Variants in PGCKA1 observed in about 807,000 individuals in gnomAD.
PGCKA1 encodes PDCD10 and GCKIII kinases-associated protein 1.
the PGCKA1 span, among the ~76,000 whole-genome samples, chr4:37,503,702 A>C: frequency 6.6e-6 from 1 of 152,186 alleles, no homozygotes; most frequent in East Asian, 1.9e-4. Context: ...CTGATGATCA[A>C]TGATGTTGAG....
the PGCKA1 span, among the ~76,000 whole-genome samples, chr4:37,554,814 A>G: frequency 8.9e-4 from 135 of 152,342 alleles, 1 homozygote; most frequent in African/African-American, 3.1e-3. Context: ...AAAGGTATAG[A>G]AGCATTGGCA....
chr4:37,543,841 A>G, the PGCKA1 span, among the ~76,000 whole-genome samples: 1 of 151,702 alleles, frequency 6.6e-6, no homozygotes, highest in Non-Finnish European at 1.5e-5. Flanking sequence ...CTCAAAAAAA[A>G]AAAAGAAGGC....
At chr4:37,574,872 T>C in the PGCKA1 span, among the ~76,000 whole-genome samples, 1 of 152,224 alleles carries the variant, frequency 6.6e-6, no homozygotes, top group African/African-American at 2.4e-5. Context: ...AATTTGTCTT[T>C]CTGTGCCTGG....
At chr4:37,486,059 C>G in the PGCKA1 span, among the ~76,000 whole-genome samples, 1 of 152,174 alleles carries the variant, frequency 6.6e-6, no homozygotes, top group Non-Finnish European at 1.5e-5. Flanking sequence ...TCAAGGTAGA[C>G]TTATTGCCTT....
At chr4:37,559,801 C>T in the PGCKA1 span, among the ~76,000 whole-genome samples, 2 of 152,036 alleles carry the variant, frequency 1.3e-5, no homozygotes, top group South Asian at 2.1e-4. Flanking sequence ...CATCTTTGTC[C>T]GAACTTGCAT....
At chr4:37,459,907 A>G in the PGCKA1 span, among the ~76,000 whole-genome samples, 69 of 150,650 alleles carry the variant, frequency 4.6e-4, 1 homozygote, top group East Asian at 0.013. Flanking sequence ...AACATGTGCC[A>G]TGGTGGTTTG....
chr4:37,575,928 T>C, the PGCKA1 span, among the ~76,000 whole-genome samples: 1 of 152,138 alleles, frequency 6.6e-6, no homozygotes, highest in Non-Finnish European at 1.5e-5. Flanking sequence ...GATTTGTTTC[T>C]GACTTCTGTC....
At chr4:37,457,542 C>T in the PGCKA1 span, among the ~76,000 whole-genome samples, 15 of 152,306 alleles carry the variant, frequency 9.8e-5, no homozygotes, top group African/African-American at 3.6e-4. Flanking sequence ...GATGTCTACA[C>T]ACAGGAGTTT....
At chr4:37,514,253 A>G in the PGCKA1 span, among the ~76,000 whole-genome samples, 33 of 152,276 alleles carry the variant, frequency 2.2e-4, no homozygotes, top group East Asian at 6.2e-3. Flanking sequence ...AATCCTACCC[A>G]TACGATGGAG....
At chr4:37,472,578 C>T in the PGCKA1 span, among the ~76,000 whole-genome samples, 2 of 152,264 alleles carry the variant, frequency 1.3e-5, no homozygotes, top group East Asian at 3.9e-4. Context: ...CCAGTTCACT[C>T]AACATATTGC....
the PGCKA1 span, among the ~76,000 whole-genome samples, chr4:37,477,979 C>A: frequency 6.6e-6 from 1 of 152,038 alleles, no homozygotes; most frequent in Non-Finnish European, 1.5e-5. Context: ...TTTAGAGAAC[C>A]GAGTTCTTAC....
the PGCKA1 span, among the ~76,000 whole-genome samples, chr4:37,505,739 C>A: frequency 6.6e-6 from 1 of 152,294 alleles, no homozygotes; most frequent in Non-Finnish European, 1.5e-5. Flanking sequence ...CAGTTATCTC[C>A]CACTGGGTCC....
the PGCKA1 span, among the ~76,000 whole-genome samples, chr4:37,516,577 G>C: frequency 2.6e-5 from 4 of 152,100 alleles, no homozygotes; most frequent in Non-Finnish European, 5.9e-5. Context: ...ATAAGTTCCA[G>C]AGGTACAAGC....
chr4:37,501,391 C>T, the PGCKA1 span, among the ~76,000 whole-genome samples: 3 of 151,984 alleles, frequency 2.0e-5, no homozygotes, highest in South Asian at 2.1e-4. Context: ...ACTACACATG[C>T]GAGGGATCTA....
chr4:37,558,099 G>A, the PGCKA1 span: 1 of 152,170 alleles, frequency 6.6e-6, no homozygotes, highest in African/African-American at 2.4e-5. Context: ...ATCTTTCCAT[G>A]CTTTGGTGAG....
At chr4:37,587,576 A>G in the PGCKA1 span, among the ~76,000 whole-genome samples, 2 of 152,342 alleles carry the variant, frequency 1.3e-5, no homozygotes, top group Non-Finnish European at 1.5e-5. Context: ...AACATGGGAG[A>G]CAGAGACACA....
At chr4:37,469,245 A>G in the PGCKA1 span, among the ~76,000 whole-genome samples, 2 of 152,198 alleles carry the variant, frequency 1.3e-5, no homozygotes, top group Admixed American at 6.5e-5. Context: ...CTTTCTTGGA[A>G]CATATTCCCA....
chr4:37,589,315 A>C, the PGCKA1 span, among the ~76,000 whole-genome samples: 1 of 152,242 alleles, frequency 6.6e-6, no homozygotes, highest in Admixed American at 6.5e-5. Flanking sequence ...CTTAACAAAT[A>C]TACTGTCTTT....
At chr4:37,561,349 G>A in the PGCKA1 span, among the ~76,000 whole-genome samples, 1 of 152,186 alleles carries the variant, frequency 6.6e-6, no homozygotes, top group Non-Finnish European at 1.5e-5. Context: ...AGGCAGGAAA[G>A]ACGTCAAAAA....
Sources: gnomAD v4.1 joint callset for allele counts (sites outside exome capture counted in the v4.1 genomes callset) on GRCh38, gnomAD v4.1.1 for gene constraint, MANE v1.5 for transcripts, NCBI Gene and HGNC (gene_info 2026-07-23, HGNC 2026-07-21) for gene names.